The following CAMKMT variants were observed in gnomAD, a reference collection of about 807,000 sequenced individuals.
The protein encoded by CAMKMT is CaM KMT.
CAMKMT carries 53 observed loss-of-function variants against 48.0 expected under a neutral mutation model. That is an observed-to-expected ratio of 1.10 (90% confidence interval 0.89 to 1.39). CAMKMT has a LOEUF of 1.39. Ranked by LOEUF, CAMKMT falls within the 40% of genes most tolerant of loss-of-function variation. CAMKMT has a pLI of 0.00. For synonymous variants in CAMKMT, 165 were observed against 152.3 expected (o/e 1.08, Z -0.61); for missense variants, 428 against 402.7 (o/e 1.06, Z -0.54).
intron 3 of CAMKMT, among the ~76,000 whole-genome samples, chr2:44,596,071 C>T (rs1052192560): frequency 1.6e-4 from 24 of 151,308 alleles, no homozygotes; most frequent in Non-Finnish European, 2.9e-5. Flanking sequence ...ACCACCATGG[C>T]ACGTATATAC....
intron 3 of CAMKMT, among the ~76,000 whole-genome samples, chr2:44,567,264 C>G (rs1239472746): frequency 4.6e-5 from 7 of 152,032 alleles, no homozygotes; most frequent in Non-Finnish European, 1.0e-4. Context: ...AATTCATCCC[C>G]TCTGTTGGGC....
intron 3 of CAMKMT, among the ~76,000 whole-genome samples, chr2:44,703,279 G>T (rs1252241809): frequency 6.6e-6 from 1 of 152,064 alleles, no homozygotes; most frequent in African/African-American, 2.4e-5. Flanking sequence ...CAATTTCCAA[G>T]CATGTTTGTC....
At chr2:44,666,178 A>G (rs1397138367) in intron 3 of CAMKMT, among the ~76,000 whole-genome samples, 1 of 152,220 alleles carries the variant, frequency 6.6e-6, no homozygotes, top group African/African-American at 2.4e-5. Flanking sequence ...TAGATAAGGA[A>G]AAAATGAAAT....
At chr2:44,528,614 T>A (rs1666300373) in intron 3 of CAMKMT, among the ~76,000 whole-genome samples, 1 of 152,188 alleles carries the variant, frequency 6.6e-6, no homozygotes, top group African/African-American at 2.4e-5. Flanking sequence ...AATTCATAAC[T>A]TTTTCTTTAT....
At chr2:44,414,737 C>CTGGT (rs1318884244) in intron 3 of CAMKMT, among the ~76,000 whole-genome samples, 2 of 152,146 alleles carry the variant, frequency 1.3e-5, no homozygotes, top group Non-Finnish European at 2.9e-5. Flanking sequence ...GGAGGCTGGC[C>CTGGT]ACCAAACTCC....
At chr2:44,637,645 G>A (rs1164419910) in intron 3 of CAMKMT, among the ~76,000 whole-genome samples, 1 of 151,918 alleles carries the variant, frequency 6.6e-6, no homozygotes, top group Non-Finnish European at 1.5e-5. Flanking sequence ...TAGAAAAGGT[G>A]AACCTCTCCC....
intron 3 of CAMKMT, among the ~76,000 whole-genome samples, chr2:44,568,443 G>A (rs921040955): frequency 2.0e-5 from 3 of 152,172 alleles, no homozygotes; most frequent in African/African-American, 7.2e-5. Context: ...AGAAATATGA[G>A]TATTCCTGCT....
chr2:44,417,512 A>G (rs1683642118), intron 3 of CAMKMT, among the ~76,000 whole-genome samples: 1 of 152,252 alleles, frequency 6.6e-6, no homozygotes, highest in African/African-American at 2.4e-5. Context: ...AACTAGTGTG[A>G]ACATTCATAT....
At chr2:44,392,664 T>C (rs1180357169) in intron 3 of CAMKMT, among the ~76,000 whole-genome samples, 3 of 152,038 alleles carry the variant, frequency 2.0e-5, no homozygotes, top group African/African-American at 4.8e-5. Context: ...AACATTTCTA[T>C]TTGATTCATT....
At chr2:44,384,069 G>A (rs905826457) in intron 2 of CAMKMT, among the ~76,000 whole-genome samples, 1 of 152,076 alleles carries the variant, frequency 6.6e-6, no homozygotes, top group African/African-American at 2.4e-5. Flanking sequence ...CATAGTGGTT[G>A]TACTAGTTTT....
At chr2:44,594,021 C>T (rs1259999569) in intron 3 of CAMKMT, among the ~76,000 whole-genome samples, 1 of 152,014 alleles carries the variant, frequency 6.6e-6, no homozygotes, top group African/African-American at 2.4e-5. Context: ...CCTCAGCCTC[C>T]AAAAGTGCTG....
chr2:44,544,656 CA>C (rs1168308665), intron 3 of CAMKMT, among the ~76,000 whole-genome samples: 1 of 152,138 alleles, frequency 6.6e-6, no homozygotes, highest in Non-Finnish European at 1.5e-5. Context: ...GCTAATAGAA[CA>C]AGAGGAAAAA....
chr2:44,532,501 C>G (rs1666539816), intron 3 of CAMKMT, among the ~76,000 whole-genome samples: 1 of 152,190 alleles, frequency 6.6e-6, no homozygotes, highest in Non-Finnish European at 1.5e-5. Context: ...CTATAGTCAG[C>G]TTCTGTATTT....
At chr2:44,405,106 T>C (rs549118046) in intron 3 of CAMKMT, among the ~76,000 whole-genome samples, 1 of 152,198 alleles carries the variant, frequency 6.6e-6, no homozygotes, top group African/African-American at 2.4e-5. Flanking sequence ...TATCTCTATG[T>C]TTTTGTGTAT....
intron 3 of CAMKMT, among the ~76,000 whole-genome samples, chr2:44,464,617 A>T (rs116109014): frequency 6.6e-6 from 1 of 152,340 alleles, no homozygotes; most frequent in African/African-American, 2.4e-5. Flanking sequence ...GGGAGCTCCC[A>T]TAAGTTATCA....
At chr2:44,436,984 G>C (rs986110954) in intron 3 of CAMKMT, among the ~76,000 whole-genome samples, 1 of 152,012 alleles carries the variant, frequency 6.6e-6, no homozygotes, top group Non-Finnish European at 1.5e-5. Flanking sequence ...ATTACAAGTG[G>C]ATTTTGACAG....
At chr2:44,728,857 T>A (rs1678932274) in intron 7 of CAMKMT, among the ~76,000 whole-genome samples, 1 of 149,726 alleles carries the variant, frequency 6.7e-6, no homozygotes, top group Non-Finnish European at 1.5e-5. Context: ...TTTTTTTTTT[T>A]TTTTGAGAAC....
intron 3 of CAMKMT, among the ~76,000 whole-genome samples, chr2:44,557,177 A>T (rs144299896): frequency 6.6e-6 from 1 of 152,202 alleles, no homozygotes; most frequent in African/African-American, 2.4e-5. Context: ...ACTAGAAATG[A>T]TAATGGTACT....
chr2:44,678,790 C>A (rs1258774519), intron 3 of CAMKMT, among the ~76,000 whole-genome samples: 1 of 152,144 alleles, frequency 6.6e-6, no homozygotes, highest in East Asian at 1.9e-4. Flanking sequence ...CTCAGTCTGT[C>A]TCTTATGAGT....
Sources: gnomAD v4.1 joint callset for allele counts (sites outside exome capture counted in the v4.1 genomes callset) on GRCh38, gnomAD v4.1.1 for gene constraint, MANE v1.5 for transcripts, NCBI Gene and HGNC (gene_info 2026-07-23, HGNC 2026-07-21) for gene names.